PNPLA3: variants seen among roughly 807,000 people sequenced by gnomAD.
The protein encoded by PNPLA3 is patatin like domain 3, 1-acylglycerol-3-phosphate O-acyltransferase.
PNPLA3 carries 42 observed loss-of-function variants against 43.1 expected under a neutral mutation model. That is an observed-to-expected ratio of 0.97 (90% CI 0.76 to 1.26). PNPLA3 has a LOEUF of 1.26. Ranked by LOEUF, PNPLA3 falls within the 50% of genes most tolerant of loss-of-function variation. The pLI is 0.00. For synonymous variants in PNPLA3, 272 were observed against 253.6 expected, an observed-to-expected ratio of 1.07 and a Z score of -0.69; for missense variants, 647 against 621.4, an observed-to-expected ratio of 1.04 and a Z score of -0.44.
chr22:43,934,627 C>T lies in PNPLA3; in HGVS notation c.718C>T (p.Arg240Ter), dbSNP rs766136850. 1.9e-5 allele frequency: 30 copies of T among 1,613,866 alleles called. No homozygotes were observed. The highest frequency in any genetic ancestry group is 1.6e-4 in the Middle Eastern group (1 of 6,062). Reference sequence around the variant, plus strand: ...ACAGGTGCTGGGAGAGATATGCCTTCGAGGATATTTGGATGCATTCAGGTT... The same window carrying T: ...ACAGGTGCTGGGAGAGATATGCCTTTGAGGATATTTGGATGCATTCAGGTT... The part of the protein sequence containing the change: ...DLKVLGEICL[R>*]GYLDAFRFLE... Residue 240 changes from arginine to a stop codon, truncating the protein, a stop_gained, in exon 5 of 9, where the codon CGA becomes TGA. Transcript: ENST00000216180. LOFTEE classifies it high-confidence loss of function.
At chr22:43,938,428 C>T (rs1372984415) in intron 6 of PNPLA3, among the ~76,000 whole-genome samples, 3 of 152,096 alleles carry the variant, frequency 2.0e-5, no homozygotes, top group African/African-American at 7.2e-5. Context: ...ACAGGCTGGA[C>T]AGGAAGCATG....
At chr22:43,942,447 G>A (rs1168535471) in intron 7 of PNPLA3, among the ~76,000 whole-genome samples, 1 of 152,106 alleles carries the variant, frequency 6.6e-6, no homozygotes, top group Non-Finnish European at 1.5e-5. Context: ...TTTCCTCTCA[G>A]TATATTGGTT....
Position 43,927,164 on chromosome 22 carries a change from G to C in PNPLA3, c.417G>C (p.Val139=), listed in dbSNP as rs761330177. Residue 139 remains valine, a synonymous_variant, in exon 2 of 9, where the codon GTG becomes GTC. Transcript: ENST00000216180. ...VSDFRSKDEV[V]DALVCSCFIP... Reference sequence around the variant, plus strand: ...ACTTTCGGTCCAAAGACGAAGTCGTGGATGTAAGCAGTTTGCTTATCTGGA... The same window carrying C: ...ACTTTCGGTCCAAAGACGAAGTCGTCGATGTAAGCAGTTTGCTTATCTGGA... 11 of 1,613,744 alleles carry C rather than the reference G, an allele frequency of 6.8e-6. No individual in the cohort carries two copies. The highest frequency in any genetic ancestry group is 1.7e-4 in the Middle Eastern group (1 of 6,060).
At chr22:43,941,348 G>A (rs1223339567) in intron 7 of PNPLA3, among the ~76,000 whole-genome samples, 1 of 108,972 alleles carries the variant, frequency 9.2e-6, no homozygotes, top group Non-Finnish European at 2.0e-5. Context: ...GGGGGGGATG[G>A]GGGGTGGGGA....
chr22:43,926,412 G>A (rs2049922455), intron 1 of PNPLA3, among the ~76,000 whole-genome samples: 1 of 152,162 alleles, frequency 6.6e-6, no homozygotes, highest in Non-Finnish European at 1.5e-5. Flanking sequence ...TAGCATTAAG[G>A]CCATCTACAC....
rs1355780267 is a variant in PNPLA3 at position 43,927,135 on chromosome 22, T to C, written c.388T>C (p.Ser130Pro). The C allele has an allele frequency of 5.6e-6, 9 of 1,614,128 alleles. No homozygotes were observed. In the South Asian group the frequency reaches 8.8e-5, roughly 16 times the overall value. The change falls in exon 2 of 9, where the codon TCT becomes CCT. Residue 130 changes from serine (S) to proline (P), a missense_variant. Ser to Pro is a moderately conservative substitution (Grantham distance 74). Transcript: ENST00000216180. ...RVSDGENVLV[S>P]DFRSKDEVVD... The stretch of plus-strand genomic sequence containing the variant: ...GTCTGATGGGGAAAACGTTCTGGTG[T>C]CTGACTTTCGGTCCAAAGACGAAGT...
chr22:43,942,225 C>T (rs9625966), intron 7 of PNPLA3, among the ~76,000 whole-genome samples: 7,009 of 152,274 alleles, frequency 0.046, 215 homozygotes, highest in Middle Eastern at 0.078. Flanking sequence ...CACACAGCTA[C>T]ATCCTGCCAT....
chr22:43,926,004 T>C (rs1349763738), intron 1 of PNPLA3, among the ~76,000 whole-genome samples: 1 of 152,306 alleles, frequency 6.6e-6, no homozygotes, highest in East Asian at 1.9e-4. Context: ...TCTGGAGGCG[T>C]TGGCAGGAGC....
At chr22:43,935,213 T>C (rs996234764) in intron 5 of PNPLA3, among the ~76,000 whole-genome samples, 2 of 152,044 alleles carry the variant, frequency 1.3e-5, no homozygotes, top group African/African-American at 4.8e-5. Flanking sequence ...AAAAGATGTG[T>C]TGGGAGCTAT....
intron 5 of PNPLA3, among the ~76,000 whole-genome samples, chr22:43,936,613 T>C (rs2281137): frequency 0.2 from 30,369 of 152,152 alleles, 3,564 homozygotes; most frequent in East Asian, 0.39. Context: ...TGCTATGTAT[T>C]GGCTGCGTGG....
chr22:43,937,318 C>A, intron 6 of PNPLA3, 46 bp downstream of exon 6: 1 of 1,560,736 alleles, frequency 6.4e-7, no homozygotes, highest in African/African-American at 1.4e-5. Flanking sequence ...TGTTTTCTTT[C>A]TTGTGCATTA....
chr22:43,930,986 G>T (rs929480074), intron 3 of PNPLA3, among the ~76,000 whole-genome samples: 1 of 152,254 alleles, frequency 6.6e-6, no homozygotes, highest in East Asian at 1.9e-4. Context: ...AATTAGCTGG[G>T]CGTGGTGGCG....
chr22:43,926,996 C>T lies in PNPLA3; in HGVS notation c.249C>T (p.Ile83=), dbSNP rs370909367. The change falls in exon 2 of 9, where the codon ATC becomes ATT. Residue 83 remains isoleucine (I), a synonymous_variant. Coordinates refer to ENST00000216180, the MANE Select transcript of PNPLA3 (RefSeq NM_025225.3). ...AGGCCAGGAGTCGGAACATTGGCAT[C>T]TTCCATCCATCCTTCAACTTAAGCA... is the stretch of plus-strand genomic sequence containing the variant. ...VRKARSRNIG[I]FHPSFNLSKF... The T allele has an allele frequency of 3.6e-4, 589 of 1,614,270 alleles. 6 individuals are homozygous for T. The South Asian group carries it at 6.2e-3, about 17-fold the overall frequency.
At chr22:43,924,748 C>T (rs963893853) in intron 1 of PNPLA3, among the ~76,000 whole-genome samples, 1 of 151,780 alleles carries the variant, frequency 6.6e-6, no homozygotes, top group Non-Finnish European at 1.5e-5. Context: ...CCCAGGTTCA[C>T]GCCATTCTCC....
chr22:43,941,871 G>T (rs2050033336), intron 7 of PNPLA3, among the ~76,000 whole-genome samples: 4 of 152,154 alleles, frequency 2.6e-5, no homozygotes. Flanking sequence ...ATCAGGAATG[G>T]GGCTGCAGGG....
intron 3 of PNPLA3, among the ~76,000 whole-genome samples, chr22:43,931,776 A>G (rs1603416286): frequency 6.6e-6 from 1 of 152,186 alleles, no homozygotes; most frequent in Non-Finnish European, 1.5e-5. Context: ...TCAGCCTTCC[A>G]AAGTGCTGGG....
intron 8 of PNPLA3, among the ~76,000 whole-genome samples, chr22:43,945,002 G>A (rs1027907023): frequency 3.3e-5 from 5 of 152,194 alleles, no homozygotes; most frequent in African/African-American, 4.8e-5. Flanking sequence ...AACCTGAACC[G>A]GAGCCTGGGA....
chr22:43,928,912 C>T (rs755756823), intron 3 of PNPLA3, 23 bp downstream of exon 3: 43 of 1,593,156 alleles, frequency 2.7e-5, no homozygotes, highest in South Asian at 4.4e-5. Context: ...TCTCTGCTAG[C>T]GCTGAGTCCT....
At chr22:43,941,179 A>G (rs1017957401) in intron 7 of PNPLA3, among the ~76,000 whole-genome samples, 4 of 150,614 alleles carry the variant, frequency 2.7e-5, no homozygotes, top group East Asian at 2.0e-4. Flanking sequence ...ATCAAATCAC[A>G]TGAAAGTAGA....
Sources: gnomAD v4.1 joint callset for allele counts (sites outside exome capture counted in the v4.1 genomes callset) on GRCh38, gnomAD v4.1.1 for gene constraint, MANE v1.5 for transcripts, NCBI Gene and HGNC (gene_info 2026-07-23, HGNC 2026-07-21) for gene names.